Variants in MIS18A observed in about 807,000 individuals in gnomAD.
MIS18A encodes protein Mis18-alpha.
In MIS18A, 14 loss-of-function variants were observed where a neutral mutation model predicts 25.0. That is an observed-to-expected ratio of 0.56 (90% CI 0.37 to 0.88). The LOEUF is 0.88. MIS18A is among the 40% of genes least tolerant of loss of function. The pLI is 0.00. For synonymous variants in MIS18A, 134 were observed against 118.6 expected (o/e 1.13, Z -0.84); for missense variants, 292 against 290.8 (o/e 1.00, Z -0.03).
chr21:32,196,862 A>C, the MIS18A span, among the ~76,000 whole-genome samples: 2 of 152,306 alleles, frequency 1.3e-5, no homozygotes, highest in African/African-American at 4.8e-5. Flanking sequence ...GATTGATAGA[A>C]AGATAGGCAT....
At chr21:32,212,387 T>C in the MIS18A span, among the ~76,000 whole-genome samples, 1 of 152,144 alleles carries the variant, frequency 6.6e-6, no homozygotes, top group African/African-American at 2.4e-5. Flanking sequence ...TGCCCTAGAC[T>C]TTGCATTCTC....
the MIS18A span, among the ~76,000 whole-genome samples, chr21:32,221,144 C>T: frequency 6.6e-6 from 1 of 152,104 alleles, no homozygotes; most frequent in South Asian, 2.1e-4. Flanking sequence ...CAGAAAGATA[C>T]TCCTCGAGAA....
the MIS18A span, among the ~76,000 whole-genome samples, chr21:32,207,802 C>T: frequency 6.6e-6 from 1 of 152,266 alleles, no homozygotes; most frequent in African/African-American, 2.4e-5. Context: ...TACAAGGCTG[C>T]GCTTTCAAAA....
At chr21:32,243,865 A>G in the MIS18A span, among the ~76,000 whole-genome samples, 1 of 152,200 alleles carries the variant, frequency 6.6e-6, no homozygotes, top group African/African-American at 2.4e-5. Context: ...TAAAAATACA[A>G]GAATTAGCCA....
the MIS18A span, among the ~76,000 whole-genome samples, chr21:32,250,799 A>G: frequency 6.6e-6 from 1 of 152,128 alleles, no homozygotes; most frequent in South Asian, 2.1e-4. Flanking sequence ...GGCAGAGGGG[A>G]AGGAGGGCTT....
chr21:32,154,783 A>G, the MIS18A span, among the ~76,000 whole-genome samples: 1 of 152,210 alleles, frequency 6.6e-6, no homozygotes, highest in African/African-American at 2.4e-5. Flanking sequence ...AGGACTATCT[A>G]TGGCTGAGGA....
At chr21:32,205,566 C>CTG in the MIS18A span, among the ~76,000 whole-genome samples, 3 of 152,118 alleles carry the variant, frequency 2.0e-5, no homozygotes, top group Non-Finnish European at 4.4e-5. Context: ...CCAATGATCT[C>CTG]TGTGTGTGTT....
chr21:32,272,821 G>T (rs949743720), intron 2 of MIS18A, among the ~76,000 whole-genome samples: 7 of 152,188 alleles, frequency 4.6e-5, no homozygotes, highest in Non-Finnish European at 1.0e-4. Context: ...GGACAAAAAT[G>T]ATGGTGATAT....
chr21:32,242,721 A>G, the MIS18A span, among the ~76,000 whole-genome samples: 1 of 152,226 alleles, frequency 6.6e-6, no homozygotes. Context: ...TGGGCTTATC[A>G]AAAAGAATGT....
the MIS18A span, among the ~76,000 whole-genome samples, chr21:32,239,402 G>A: frequency 6.6e-6 from 1 of 152,112 alleles, no homozygotes; most frequent in Non-Finnish European, 1.5e-5. Context: ...TCTTCCAGCT[G>A]GACTAAAAAT....
the MIS18A span, among the ~76,000 whole-genome samples, chr21:32,246,162 C>T: frequency 6.6e-6 from 1 of 152,192 alleles, no homozygotes; most frequent in Non-Finnish European, 1.5e-5. Context: ...TCCGCCCCAT[C>T]ATCAAATCAC....
chr21:32,231,688 C>T, the MIS18A span, among the ~76,000 whole-genome samples: 2 of 152,240 alleles, frequency 1.3e-5, no homozygotes, highest in South Asian at 4.2e-4. Flanking sequence ...CCGAGGCAGG[C>T]AGATCATGAG....
chr21:32,233,162 AAGG>A, the MIS18A span, among the ~76,000 whole-genome samples: 1 of 152,236 alleles, frequency 6.6e-6, no homozygotes, highest in Non-Finnish European at 1.5e-5. Context: ...TTTCTGAATA[AAGG>A]CATGAGTCAA....
chr21:32,213,301 CATAG>C, the MIS18A span, among the ~76,000 whole-genome samples: 83 of 152,060 alleles, frequency 5.5e-4, no homozygotes, highest in African/African-American at 2.0e-3. Context: ...AATGACAACA[CATAG>C]ATAGACAAAA....
chr21:32,175,620 C>A, the MIS18A span, among the ~76,000 whole-genome samples: 4 of 143,430 alleles, frequency 2.8e-5, no homozygotes, highest in African/African-American at 1.1e-4. Context: ...CCAGCCTGCC[C>A]AACATAGTGA....
chr21:32,236,170 C>T, the MIS18A span, among the ~76,000 whole-genome samples: 6 of 151,338 alleles, frequency 4.0e-5, no homozygotes, highest in East Asian at 1.9e-4. Context: ...ATCAGGAGAT[C>T]GAGACCATCC....
chr21:32,214,332 G>A, the MIS18A span, among the ~76,000 whole-genome samples: 1 of 152,154 alleles, frequency 6.6e-6, no homozygotes, highest in Non-Finnish European at 1.5e-5. Flanking sequence ...AGAGTGCATT[G>A]GACCTAGAAA....
intron 2 of MIS18A, among the ~76,000 whole-genome samples, chr21:32,271,503 C>G (rs1052488831): frequency 2.0e-5 from 3 of 152,156 alleles, no homozygotes; most frequent in Non-Finnish European, 4.4e-5. Context: ...GAACAAAGAA[C>G]AAAATGGATC....
At chr21:32,257,609 C>T in the MIS18A span, among the ~76,000 whole-genome samples, 1 of 152,100 alleles carries the variant, frequency 6.6e-6, no homozygotes, top group East Asian at 1.9e-4. Flanking sequence ...AATAACAAAA[C>T]ATTTCTGATT....
Sources: gnomAD v4.1 joint callset for allele counts (sites outside exome capture counted in the v4.1 genomes callset) on GRCh38, gnomAD v4.1.1 for gene constraint, MANE v1.5 for transcripts, NCBI Gene and HGNC (gene_info 2026-07-23, HGNC 2026-07-21) for gene names.